The following AFDN variants were observed in gnomAD, a reference collection of about 807,000 sequenced individuals.
The protein encoded by AFDN is afadin, adherens junction formation factor, also known as afadin.
In AFDN, 68 loss-of-function variants were observed where a neutral mutation model predicts 216.6. That is an observed-to-expected ratio of 0.31 (90% CI 0.26 to 0.38). The LOEUF is 0.38. Ranked by LOEUF, AFDN falls within the 10% of genes least tolerant of loss-of-function variation. The pLI is 1.00. For synonymous variants in AFDN, 868 were observed against 853.7 expected (o/e 1.02, Z -0.29); for missense variants, 2,136 against 2,342.0 (o/e 0.91, Z 1.82).
intron 15 of AFDN, 80 bp downstream of exon 15, chr6:167,911,569 G>A (rs191271881): frequency 2.3e-6 from 3 of 1,277,298 alleles, no homozygotes; most frequent in Non-Finnish European, 2.2e-6. Context: ...CTTCTTTAAG[G>A]CTTCTCATTT....
In AFDN at chr6:167,962,582, A is replaced by C; in HGVS notation, c.4968+15A>C. 6.2e-7 allele frequency: 1 copy of C among 1,613,960 alleles called. No individual in the cohort carries two copies. Among genetic ancestry groups the C allele is most frequent in the Non-Finnish European group, 8.5e-7 (1 of 1,179,820 alleles). On this transcript the variant is annotated intron_variant, in intron 31 of 33. Coordinates refer to ENST00000683244, the MANE Select transcript of AFDN (RefSeq NM_001386888.1). The surrounding 1 kb of genome is among the most constrained non-coding windows in gnomAD (Gnocchi z 5.2). ...CTGAAGAAAAGGTTATGGTCCTTTA[A>C]GGGCAGCTAGAATTTTACCAAGTTA...
chr6:167,925,003 A>AG lies in AFDN; in HGVS notation c.3013dup. 1 of 1,606,982 alleles carries AG rather than the reference A, an allele frequency of 6.2e-7. No homozygotes were observed. The highest frequency in any genetic ancestry group is 2.2e-5 in the East Asian group (1 of 44,824). ...AAATAAACCTTTGTTTTCATCCTTT[A>AG]GGCTCAGCCTCTGAGGAAAGAACCT... On this transcript the variant is annotated splice_acceptor_variant, in intron 22 of 33. Transcript: ENST00000683244. LOFTEE classifies it high-confidence loss of function.
intron 32 of AFDN, among the ~76,000 whole-genome samples, chr6:167,968,163 G>C (rs781705634): frequency 6.6e-6 from 1 of 152,158 alleles, no homozygotes; most frequent in Non-Finnish European, 1.5e-5. Context: ...TTAAAACTAA[G>C]CAAGATAAAA....
chr6:167,889,653 A>G (rs1787319607), intron 7 of AFDN, among the ~76,000 whole-genome samples: 1 of 152,194 alleles, frequency 6.6e-6, no homozygotes, highest in African/African-American at 2.4e-5. Context: ...TTTTTGCTGT[A>G]GAGCTTTCTG....
chr6:167,942,478 T>TA (rs1164679901), intron 23 of AFDN, among the ~76,000 whole-genome samples: 1 of 152,208 alleles, frequency 6.6e-6, no homozygotes, highest in Non-Finnish European at 1.5e-5. Flanking sequence ...TTTTGATTGT[T>TA]ATAGAGTTAG....
intron 22 of AFDN, among the ~76,000 whole-genome samples, chr6:167,923,559 G>C (rs961882782): frequency 1.3e-5 from 2 of 149,638 alleles, no homozygotes; most frequent in African/African-American, 4.9e-5. Context: ...ATTGATGATC[G>C]TTCTTTTGTA....
intron 6 of AFDN, among the ~76,000 whole-genome samples, chr6:167,887,605 G>C (rs188177597): frequency 6.6e-6 from 1 of 151,948 alleles, no homozygotes; most frequent in African/African-American, 2.4e-5. Context: ...ACAGGCGCAC[G>C]CTGCCATGTC....
chr6:167,898,316 A>G lies in AFDN; in HGVS notation c.1429A>G (p.Ile477Val), dbSNP rs776272198. The change falls in exon 11 of 34, where the codon ATC becomes GTC. Residue 477 changes from isoleucine (I) to valine (V), a missense_variant. By Grantham distance (29) the Ile-to-Val change is conservative (BLOSUM62 3). Coordinates refer to ENST00000683244, the MANE Select transcript of AFDN (RefSeq NM_001386888.1). ...DAETYVEGQR[I>V]SETTMLQSGM... is the part of the protein sequence containing the mutation. Reference sequence around the variant, plus strand: ...AGAAACCTACGTGGAAGGCCAGCGCATCTCAGAAACCACCATGCTGCAGAG... The same window carrying G: ...AGAAACCTACGTGGAAGGCCAGCGCGTCTCAGAAACCACCATGCTGCAGAG... The G allele has an allele frequency of 9.3e-6, 15 of 1,614,034 alleles. No individual in the cohort carries two copies. The South Asian group carries it at 1.4e-4, about 15-fold the overall frequency.
chr6:167,836,889 T>C (rs920892635), intron 1 of AFDN, among the ~76,000 whole-genome samples: 4 of 152,198 alleles, frequency 2.6e-5, no homozygotes, highest in African/African-American at 9.6e-5. Flanking sequence ...AGCTAAGCTT[T>C]CGTTGATTCA....
At position 167,962,640 on chromosome 6, in the gene AFDN, G is replaced by C. The variant is rs1797157451; in HGVS notation, c.4968+73G>C. ...CGTAATCGATTGGCTGGGGCAGAGC[G>C]GGCTGGAAGTTCTGTGTTTCTTAAG... On this transcript the variant is annotated intron_variant, in intron 31 of 33. Coordinates refer to ENST00000683244, the MANE Select transcript of AFDN (RefSeq NM_001386888.1). The surrounding 1 kb of genome is among the most constrained non-coding windows in gnomAD (Gnocchi z 5.2). The C allele has an allele frequency of 1.2e-6, 2 of 1,600,576 alleles. No homozygotes were observed. The highest frequency in any genetic ancestry group is 1.3e-5 in the African/African-American group (1 of 74,564).
chr6:167,887,034 G>T (rs1038095114), intron 6 of AFDN, among the ~76,000 whole-genome samples: 22 of 123,456 alleles, frequency 1.8e-4, no homozygotes, highest in African/African-American at 6.5e-4. Context: ...AAAAAAAAAA[G>T]AATGCCTGGT....
chr6:167,909,756 T>C (rs1790151910), intron 13 of AFDN, among the ~76,000 whole-genome samples: 1 of 152,222 alleles, frequency 6.6e-6, no homozygotes, highest in African/African-American at 2.4e-5. Context: ...CATCACAGTT[T>C]AAGTCATTAA....
chr6:167,893,771 T>C (rs1787897121), intron 8 of AFDN, 91 bp from the exon 9 acceptor site: 1 of 976,364 alleles, frequency 1.0e-6, no homozygotes, highest in Non-Finnish European at 1.6e-6. Context: ...TCTGCGTCTC[T>C]TCTCCTCCTT....
chr6:167,919,517 G>A (rs1431720833), intron 21 of AFDN, among the ~76,000 whole-genome samples: 1 of 152,248 alleles, frequency 6.6e-6, no homozygotes, highest in Non-Finnish European at 1.5e-5. Context: ...AGCACAGAGC[G>A]AGTGGGTGTG....
At chr6:167,960,879 G>A (rs1210878096) in intron 30 of AFDN, among the ~76,000 whole-genome samples, 1 of 152,178 alleles carries the variant, frequency 6.6e-6, no homozygotes, top group Non-Finnish European at 1.5e-5. Context: ...TTGGGGTATG[G>A]ATAGGTTGTC....
chr6:167,922,789 T>G, intron 21 of AFDN, 67 bp from the exon 22 acceptor site: 1 of 1,062,618 alleles, frequency 9.4e-7, no homozygotes, highest in Non-Finnish European at 1.4e-6. Flanking sequence ...AATTGGTAAT[T>G]AATCTTGCTT....
chr6:167,924,121 G>C (rs1216852805), intron 22 of AFDN, among the ~76,000 whole-genome samples: 1 of 151,914 alleles, frequency 6.6e-6, no homozygotes, highest in South Asian at 2.1e-4. Flanking sequence ...TAATTCTAAT[G>C]TCAACTAATT....
intron 13 of AFDN, among the ~76,000 whole-genome samples, chr6:167,908,237 G>C (rs1789961218): frequency 6.6e-6 from 1 of 152,210 alleles, no homozygotes; most frequent in Non-Finnish European, 1.5e-5. Context: ...AGGTGACGAA[G>C]ACACAGTTCT....
chr6:167,896,732 G>T, intron 9 of AFDN, 146 bp from the exon 10 acceptor site: 2 of 555,184 alleles, frequency 3.6e-6, no homozygotes, highest in Non-Finnish European at 6.4e-6. Context: ...TTGTTAAATT[G>T]TGTTACATAA....
Sources: allele counts gnomAD v4.1 joint callset (sites outside exome capture counted in the v4.1 genomes callset), GRCh38; gene constraint gnomAD v4.1.1; non-coding constraint Gnocchi (gnomAD v3.1); transcripts MANE v1.5; gene names NCBI Gene and HGNC (gene_info 2026-07-23, HGNC 2026-07-21).